The following PYHIN1 variants were observed in gnomAD, a reference collection of about 807,000 sequenced individuals.
PYHIN1 encodes the protein pyrin and HIN domain-containing protein 1.
PYHIN1 carries 32 observed loss-of-function variants against 43.7 expected under a neutral mutation model. That is an observed-to-expected ratio of 0.73 (90% CI 0.55 to 0.98). The LOEUF is 0.98. Among genes scored for constraint, PYHIN1 ranks in the 50% least tolerant of loss-of-function variants. PYHIN1 has a pLI of 0.00. For synonymous variants in PYHIN1, 205 were observed against 203.1 expected, an observed-to-expected ratio of 1.01 and a Z score of -0.08; for missense variants, 588 against 589.5, an observed-to-expected ratio of 1.00 and a Z score of 0.03.
chr1:158,938,359 T>C (rs750107406), intron 2 of PYHIN1, 38 bp from the exon 3 acceptor site: 5 of 1,610,666 alleles, frequency 3.1e-6, no homozygotes, highest in Non-Finnish European at 3.4e-6. Context: ...CCCGATCATC[T>C]GCTCTGGGTT....
rs139039188 is a variant in PYHIN1, at chr1:158,947,180, G to A, written c.1359+2138G>A. On this transcript the variant is annotated intron_variant, in intron 7 of 8. Coordinates refer to ENST00000368140, the MANE Select transcript of PYHIN1 (RefSeq NM_152501.5). The stretch of plus-strand genomic sequence containing the variant: ...TTTTTAATAAAATTTATTATCATTA[G>A]TTAAGTATATTCTTTGAGACCTTAT... Among the ~76,000 whole-genome samples, 526 of 152,216 alleles carry A rather than the reference G, an allele frequency of 3.5e-3. 3 individuals carry two copies. The highest frequency in any genetic ancestry group is 0.012 in the African/African-American group (503 of 41,514).
At chr1:158,941,839 C>T (rs1163283343) in intron 4 of PYHIN1, 138 bp from the exon 5 acceptor site, 4 of 691,664 alleles carry the variant, frequency 5.8e-6, no homozygotes, top group Non-Finnish European at 9.2e-6. Flanking sequence ...ATATCCTCTC[C>T]TTCCCTGTAT....
chr1:158,953,393 G>A (rs1649700315), intron 7 of PYHIN1, among the ~76,000 whole-genome samples: 1 of 150,874 alleles, frequency 6.6e-6, no homozygotes. Flanking sequence ...CCAGCACGCA[G>A]CTGGAGATCT....
intron 6 of PYHIN1, 87 bp downstream of exon 6, chr1:158,944,065 C>A: frequency 1.1e-5 from 13 of 1,148,036 alleles, no homozygotes; most frequent in Non-Finnish European, 1.6e-5. Context: ...TGTTGTTTTA[C>A]ACTTAAAATT....
In PYHIN1 at chr1:158,942,212, C is replaced by A. The variant is rs561463512; in HGVS notation, c.815C>A (p.Ser272Ter). The A allele has an allele frequency of 2.0e-5, 33 of 1,613,778 alleles. No homozygotes were observed. The highest frequency in any genetic ancestry group is 2.8e-5 in the Non-Finnish European group (33 of 1,179,908). ...ATTAAAAAGAGAATCATCATTATAT[C>A]AAATTATTCCAAACGTAATAGTCTC... is the stretch of plus-strand genomic sequence containing the variant. ...KFIKKRIIII[S>*]NYSKRNSLLE... is the part of the protein sequence containing the mutation. The change falls in exon 5 of 9, where the codon TCA becomes TAA. Residue 272 changes from serine (S) to a stop codon, truncating the protein, a stop_gained. Transcript: ENST00000368140. LOFTEE classifies it high-confidence loss of function.
the PYHIN1 span, among the ~76,000 whole-genome samples, chr1:158,986,740 A>T: frequency 6.6e-6 from 1 of 152,154 alleles, no homozygotes; most frequent in South Asian, 2.1e-4. Context: ...GTATGGCAAG[A>T]CTTAAGGGAT....
intron 1 of PYHIN1, among the ~76,000 whole-genome samples, chr1:158,935,768 G>T (rs1320020814): frequency 6.6e-6 from 1 of 152,084 alleles, no homozygotes; most frequent in African/African-American, 2.4e-5. Context: ...GGTGGGTGTG[G>T]GAAGATTTAA....
chr1:158,936,865 C>T (rs1648574140), intron 1 of PYHIN1, 26 bp from the exon 2 acceptor site: 43 of 1,464,796 alleles, frequency 2.9e-5, no homozygotes, highest in Non-Finnish European at 3.6e-5. Context: ...ACATGTGTAA[C>T]ACTATATACC....
intron 4 of PYHIN1, among the ~76,000 whole-genome samples, chr1:158,941,161 T>C (rs767311795): frequency 1.2e-4 from 18 of 152,234 alleles, no homozygotes; most frequent in Non-Finnish European, 2.6e-4. Context: ...CTCCAGGAGC[T>C]GCTGGTTTGT....
intron 4 of PYHIN1, 24 bp from the exon 5 acceptor site, chr1:158,941,953 G>T: frequency 6.5e-7 from 1 of 1,539,310 alleles, no homozygotes; most frequent in Non-Finnish European, 8.7e-7. Context: ...TTTCTTTTTT[G>T]TATTCCTTTT....
chr1:158,950,857 T>C (rs928107451), intron 7 of PYHIN1, among the ~76,000 whole-genome samples: 5 of 152,192 alleles, frequency 3.3e-5, no homozygotes, highest in African/African-American at 9.7e-5. Flanking sequence ...ATTGTTGAAA[T>C]TGTGAGCTGG....
At chr1:158,959,693 C>G (rs1650213228) in intron 7 of PYHIN1, among the ~76,000 whole-genome samples, 1 of 152,216 alleles carries the variant, frequency 6.6e-6, no homozygotes. Context: ...TTGGTTCTCT[C>G]AGGTCCTTCA....
rs1648952795 is a variant in PYHIN1, at chr1:158,942,100, C to T, written c.703C>T (p.Gln235Ter). 6.2e-7 allele frequency: 1 copy of T among 1,614,022 alleles called. No homozygotes were observed. Among genetic ancestry groups the T allele is most frequent in the Non-Finnish European group, 8.5e-7 (1 of 1,179,978 alleles). ...TAAATATGAATCCTCAGAAAATGAG[C>T]AAAGAAGAATGTTTCATGCTACAGT... ...VFKYESSENE[Q>*]RRMFHATVAT... Residue 235 changes from glutamine (Q) to a stop codon, truncating the protein, a stop_gained, in exon 5 of 9, where the codon CAA becomes TAA. Transcript: ENST00000368140. LOFTEE classifies it high-confidence loss of function.
intron 4 of PYHIN1, among the ~76,000 whole-genome samples, chr1:158,941,042 A>C (rs1335621688): frequency 6.6e-6 from 1 of 152,212 alleles, no homozygotes; most frequent in Non-Finnish European, 1.5e-5. Context: ...TGTGTTGGGA[A>C]AGGACTTTTC....
At chr1:158,963,713 C>T (rs547538521) in intron 7 of PYHIN1, among the ~76,000 whole-genome samples, 1 of 152,252 alleles carries the variant, frequency 6.6e-6, no homozygotes, top group East Asian at 1.9e-4. Flanking sequence ...AAGAATTTAG[C>T]TAGAAATTAA....
At chr1:158,967,563 T>C (rs974410612) in intron 7 of PYHIN1, among the ~76,000 whole-genome samples, 9 of 152,042 alleles carry the variant, frequency 5.9e-5, no homozygotes, top group African/African-American at 2.2e-4. Flanking sequence ...AAACTACCAA[T>C]GACATTCTTC....
At chr1:158,953,040 C>A (rs1017329963) in intron 7 of PYHIN1, among the ~76,000 whole-genome samples, 1 of 152,216 alleles carries the variant, frequency 6.6e-6, no homozygotes, top group African/African-American at 2.4e-5. Flanking sequence ...TTGCGCTTTT[C>A]GGACCGGCTT....
rs779519293 is a variant in PYHIN1, at chr1:158,941,963, T to G, written c.580-14T>G. 3 of 1,564,224 alleles carry G rather than the reference T, an allele frequency of 1.9e-6. No individual in the cohort carries two copies. In the African/African-American group the frequency reaches 4.1e-5, roughly 21 times the overall value. Reference sequence around the variant, plus strand: ...AAAAATTTCTTTTTTGTATTCCTTTTGTATCATGCGCAGAGCCTAAAACCA... The same window carrying G: ...AAAAATTTCTTTTTTGTATTCCTTTGGTATCATGCGCAGAGCCTAAAACCA... On this transcript the variant is annotated splice_polypyrimidine_tract_variant and intron_variant, in intron 4 of 8. Coordinates refer to ENST00000368140, the MANE Select transcript of PYHIN1 (RefSeq NM_152501.5).
intron 8 of PYHIN1, among the ~76,000 whole-genome samples, chr1:158,976,100 G>C (rs1406866750): frequency 6.6e-6 from 1 of 152,100 alleles, no homozygotes; most frequent in African/African-American, 2.4e-5. Flanking sequence ...GCTGTCTTTT[G>C]TGAGAAACAT....
Sources: allele counts gnomAD v4.1 joint callset (sites outside exome capture counted in the v4.1 genomes callset), GRCh38; gene constraint gnomAD v4.1.1; transcripts MANE v1.5; gene names NCBI Gene and HGNC (gene_info 2026-07-23, HGNC 2026-07-21).